The following SRGAP2 variants were observed in gnomAD, a reference collection of about 807,000 sequenced individuals.
SRGAP2 encodes the protein SLIT-ROBO Rho GTPase-activating protein 2.
Under a neutral mutation model 57.2 loss-of-function variants are expected in SRGAP2, and 15 were observed. The observed-to-expected ratio is 0.26, with a 90% confidence interval of 0.18 to 0.40. The LOEUF (loss-of-function observed/expected upper bound fraction) is 0.40. Among genes scored for constraint, SRGAP2 ranks in the 10% least tolerant of loss-of-function variants. The pLI, the probability that SRGAP2 is intolerant of heterozygous loss-of-function variation, is 1.00. For synonymous variants in SRGAP2, 249 were observed against 248.0 expected, an observed-to-expected ratio of 1.00 and a Z score of -0.04; for missense variants, 520 against 669.6, an observed-to-expected ratio of 0.78 and a Z score of 2.47.
intron 17 of SRGAP2, among the ~76,000 whole-genome samples, chr1:206,444,729 T>C (rs116098669): frequency 1.7e-3 from 261 of 152,346 alleles, no homozygotes; most frequent in African/African-American, 6.0e-3. Flanking sequence ...TCTAAATCTC[T>C]GCTCTCTTTG....
chr1:206,455,727 G>T (rs1663774251), intron 21 of SRGAP2: 1 of 152,296 alleles, frequency 6.6e-6, no homozygotes, highest in Non-Finnish European at 1.5e-5. Context: ...TAGTCCCTTT[G>T]CAGATCCCCA....
chr1:206,327,537 T>C (rs1433035198), intron 3 of SRGAP2, among the ~76,000 whole-genome samples: 1 of 130,882 alleles, frequency 7.6e-6, no homozygotes, highest in Non-Finnish European at 1.6e-5. Flanking sequence ...TACTGATATA[T>C]AGTTGTAGAA....
At chr1:206,404,428 C>CT (rs1658499810) in intron 8 of SRGAP2, among the ~76,000 whole-genome samples, 1 of 152,144 alleles carries the variant, frequency 6.6e-6, no homozygotes. Flanking sequence ...AAAGGACGAA[C>CT]GGTAACAAGG....
intron 14 of SRGAP2, among the ~76,000 whole-genome samples, chr1:206,436,133 T>C (rs1296898454): frequency 6.6e-6 from 1 of 152,138 alleles, no homozygotes; most frequent in Non-Finnish European, 1.5e-5. Flanking sequence ...GAATATTTTA[T>C]GTGTGGCCCA....
Position 206,454,066 on chromosome 1 carries a change from T to C in SRGAP2, c.2360+686T>C, listed in dbSNP as rs1457674070. ...GCCTGCCCCCTGTCCGTTTGCCCTG[T>C]CTCTGTCCCCAGCTCCCCTCCCTTG... On this transcript the variant is annotated intron_variant, in intron 20 of 22. Coordinates refer to ENST00000573034, the MANE Select transcript of SRGAP2 (RefSeq NM_015326.5). The surrounding 1 kb of genome is among the most constrained non-coding windows in gnomAD (Gnocchi z 4.3). 13 of 700,698 alleles carry C rather than the reference T, an allele frequency of 1.9e-5. No homozygotes were observed. Among genetic ancestry groups the C allele is most frequent in the African/African-American group, 1.6e-4 (9 of 57,230 alleles). The allele number at this position is 700,698 out of a possible 1,614,324, so 43.4% of individuals were successfully genotyped here. A position where few individuals can be genotyped will look rare whatever the true frequency, so the allele number is the denominator to read the frequency against.
chr1:206,258,149 A>T (rs1376300150), intron 2 of SRGAP2, among the ~76,000 whole-genome samples: 1 of 151,040 alleles, frequency 6.6e-6, no homozygotes, highest in African/African-American at 2.4e-5. Flanking sequence ...AAGCACTGTG[A>T]TTAATTAAAT....
intron 4 of SRGAP2, among the ~76,000 whole-genome samples, chr1:206,354,444 C>T (rs1676278109): frequency 6.6e-6 from 1 of 152,164 alleles, no homozygotes; most frequent in South Asian, 2.1e-4. Context: ...TATCAAGCCC[C>T]TCTAACTTGG....
At chr1:206,399,196 T>C (rs1165299824) in intron 7 of SRGAP2, among the ~76,000 whole-genome samples, 5 of 151,376 alleles carry the variant, frequency 3.3e-5, no homozygotes, top group South Asian at 4.2e-4. Context: ...ATAAAGGGAG[T>C]TGATGTTGGA....
chr1:206,237,715 C>A (rs1553308409), intron 2 of SRGAP2, among the ~76,000 whole-genome samples: 1 of 149,138 alleles, frequency 6.7e-6, no homozygotes, highest in African/African-American at 2.5e-5. Flanking sequence ...CGTGAACTAA[C>A]TACTGACCCT....
At chr1:206,419,223 CTG>C in intron 11 of SRGAP2, 148 bp from the exon 12 acceptor site, 2 of 631,758 alleles carry the variant, frequency 3.2e-6, no homozygotes, top group African/African-American at 1.8e-5. Flanking sequence ...CTGTCTCTCT[CTG>C]TCTCTCTCTC....
At chr1:206,276,387 G>A (rs1353158255) in intron 2 of SRGAP2, among the ~76,000 whole-genome samples, 1,624 of 147,562 alleles carry the variant, frequency 0.011, 24 homozygotes, top group African/African-American at 0.037. Flanking sequence ...AGCCTTAGAT[G>A]TGAGAAATTT....
rs1407206666 is a variant in SRGAP2, at chr1:206,212,316, G to A, written c.67+6279G>A. ...CACCTCAGCCTCCGAAGTAGCTGGG[G>A]CTATAGGCACATGCCACCACACCCA... On this transcript the variant is annotated intron_variant, in intron 2 of 22. Coordinates refer to ENST00000573034, the MANE Select transcript of SRGAP2 (RefSeq NM_015326.5). 4.6e-5 allele frequency among the ~76,000 whole-genome samples: 6 copies of A among 129,216 alleles called. No homozygotes were observed. The East Asian group carries it at 1.2e-3, about 25-fold the overall frequency. 84.8% of individuals were successfully genotyped at this position (129,216 alleles called of 152,430 possible). A position where few individuals can be genotyped will look rare whatever the true frequency, so the allele number is the denominator to read the frequency against.
chr1:206,420,013 T>C (rs1387616588), intron 12 of SRGAP2, among the ~76,000 whole-genome samples: 1 of 152,102 alleles, frequency 6.6e-6, no homozygotes, highest in African/African-American at 2.4e-5. Context: ...CTCTCAGTCA[T>C]GGTGCTGCTA....
At chr1:206,281,752 G>C (rs1187023435) in intron 2 of SRGAP2, among the ~76,000 whole-genome samples, 2 of 107,186 alleles carry the variant, frequency 1.9e-5, no homozygotes, top group African/African-American at 9.4e-5. Flanking sequence ...GCAGCCAGCT[G>C]AGATCACACC....
chr1:206,229,927 TACATAC>T (rs1667518440), intron 2 of SRGAP2, among the ~76,000 whole-genome samples: 1 of 113,294 alleles, frequency 8.8e-6, no homozygotes, highest in Admixed American at 8.8e-5. Context: ...TATGTACACA[TACATAC>T]ACACACACAC....
At chr1:206,453,781 C>A in intron 20 of SRGAP2, 1 of 277,394 alleles carries the variant, frequency 3.6e-6, no homozygotes, top group East Asian at 6.8e-5. Flanking sequence ...AACAACTATG[C>A]TCACCCCAAC....
chr1:206,214,316 T>G lies in SRGAP2; in HGVS notation c.67+8279T>G, dbSNP rs1210991545. Among the ~76,000 whole-genome samples the G allele has an allele frequency of 5.8e-3, 878 of 152,098 alleles. 12 individuals are homozygous for G. The highest frequency in any genetic ancestry group is 0.02 in the African/African-American group (843 of 41,408). On this transcript the variant is annotated intron_variant, in intron 2 of 22. Coordinates refer to ENST00000573034, the MANE Select transcript of SRGAP2 (RefSeq NM_015326.5). ...ACTAAGCATTATGCTAAATACTTTA[T>G]ATAGATTATTCCATAATCCTTACTC...
intron 3 of SRGAP2, among the ~76,000 whole-genome samples, chr1:206,325,223 A>G (rs1321882226): frequency 6.6e-6 from 1 of 152,122 alleles, no homozygotes. Context: ...GAATCTCTAT[A>G]TTTTATACTA....
intron 19 of SRGAP2, among the ~76,000 whole-genome samples, chr1:206,452,022 C>G (rs1663357474): frequency 6.6e-6 from 1 of 152,202 alleles, no homozygotes; most frequent in African/African-American, 2.4e-5. Flanking sequence ...TGGGAGCCTT[C>G]TCTTTGCTCT....
Sources: allele counts gnomAD v4.1 joint callset (sites outside exome capture counted in the v4.1 genomes callset), GRCh38; gene constraint gnomAD v4.1.1; non-coding constraint Gnocchi (gnomAD v3.1); transcripts MANE v1.5; gene names NCBI Gene and HGNC (gene_info 2026-07-23, HGNC 2026-07-21).